DHX15: variants seen among roughly 807,000 people sequenced by gnomAD.
DHX15 encodes DEAH-box helicase 15, also known as ATP-dependent RNA helicase DHX15.
In DHX15, 11 loss-of-function variants were observed where a neutral mutation model predicts 94.4. The ratio of observed to expected loss-of-function variants is 0.12; its 90% confidence interval spans 0.07 to 0.19. The LOEUF (loss-of-function observed/expected upper bound fraction) is 0.19. DHX15 is among the 10% of genes least tolerant of loss of function. The probability of loss-of-function intolerance (pLI) is 1.00; values close to 1 mark genes in which losing one functional copy is unlikely to be tolerated. For missense variants in DHX15, 304 were observed against 988.5 expected, an observed-to-expected ratio of 0.31 and a Z score of 9.29; for synonymous variants, 338 against 329.9, an observed-to-expected ratio of 1.02 and a Z score of -0.27.
At chr4:24,583,542 C>G (rs1722519246) in intron 1 of DHX15, among the ~76,000 whole-genome samples, 1 of 151,896 alleles carries the variant, frequency 6.6e-6, no homozygotes, top group African/African-American at 2.4e-5. Flanking sequence ...TTAACCAAAG[C>G]AGGAAATACA....
At chr4:24,535,704 A>G (rs1429730296) in intron 11 of DHX15, among the ~76,000 whole-genome samples, 4 of 152,198 alleles carry the variant, frequency 2.6e-5, no homozygotes, top group Non-Finnish European at 4.4e-5. Flanking sequence ...TAAGGAACAG[A>G]TGTAAATCAA....
intron 3 of DHX15, among the ~76,000 whole-genome samples, chr4:24,563,621 A>T (rs540329486): frequency 6.6e-6 from 1 of 152,344 alleles, no homozygotes; most frequent in East Asian, 1.9e-4. Context: ...AATGATTTAA[A>T]ACATAATTTT....
intron 1 of DHX15, among the ~76,000 whole-genome samples, chr4:24,577,375 T>A (rs1210022189): frequency 6.6e-6 from 1 of 152,168 alleles, no homozygotes; most frequent in African/African-American, 2.4e-5. Flanking sequence ...CTTTCCCAAT[T>A]TTGTTCAGTA....
intron 3 of DHX15, among the ~76,000 whole-genome samples, chr4:24,562,206 C>T (rs1050786075): frequency 6.6e-6 from 1 of 150,384 alleles, no homozygotes; most frequent in Non-Finnish European, 1.5e-5. Flanking sequence ...AGCAAACCTG[C>T]ACATATACCC....
chr4:24,548,990 A>T lies in DHX15; in HGVS notation c.1113T>A (p.Arg371=), dbSNP rs756944599. The T allele has an allele frequency of 6.2e-7, 1 of 1,613,814 alleles. No homozygotes were observed. The highest frequency in any genetic ancestry group is 8.5e-7 in the Non-Finnish European group (1 of 1,179,838). ...CTTCAGGGCCCAAATCATCAACTTC[A>T]CGCTTTATTCTCTTACAGGCTTCAT... is the stretch of plus-strand genomic sequence containing the variant. ...EIDEACKRIK[R]EVDDLGPEVG... is the part of the protein sequence containing the mutation. The change falls in exon 6 of 14, where the codon CGT becomes CGA. Residue 371 remains arginine (R), a synonymous_variant. Transcript: ENST00000336812.
intron 13 of DHX15, among the ~76,000 whole-genome samples, chr4:24,528,846 T>C (rs1721017128): frequency 6.6e-6 from 1 of 151,444 alleles, no homozygotes; most frequent in Non-Finnish European, 1.5e-5. Flanking sequence ...AAAACCAATA[T>C]ATAAATAATA....
intron 1 of DHX15, among the ~76,000 whole-genome samples, chr4:24,583,461 A>C (rs1722514600): frequency 6.8e-6 from 1 of 146,020 alleles, no homozygotes; most frequent in African/African-American, 2.4e-5. Flanking sequence ...ACATGCATAG[A>C]AAATAAATGA....
chr4:24,580,467 C>T (rs1250754200), intron 1 of DHX15, among the ~76,000 whole-genome samples: 2 of 150,646 alleles, frequency 1.3e-5, no homozygotes, highest in Non-Finnish European at 3.0e-5. Context: ...CTAAGGAAGA[C>T]ATTAACTGGT....
chr4:24,538,738 T>G (rs557442743), intron 10 of DHX15: 19 of 91,710 alleles, frequency 2.1e-4, no homozygotes, highest in African/African-American at 5.3e-4. Context: ...TAAAAATAAG[T>G]TTTTTTTAAT....
chr4:24,531,721 C>T (rs906394120), intron 12 of DHX15, among the ~76,000 whole-genome samples: 2 of 151,982 alleles, frequency 1.3e-5, no homozygotes, highest in African/African-American at 4.8e-5. Context: ...TCCCTCACCC[C>T]ATCCCCTCCC....
At chr4:24,579,747 C>G (rs1286226635) in intron 1 of DHX15, among the ~76,000 whole-genome samples, 1 of 152,152 alleles carries the variant, frequency 6.6e-6, no homozygotes, top group Non-Finnish European at 1.5e-5. Context: ...TTGCAAATGC[C>G]CAATATCGGT....
intron 6 of DHX15, among the ~76,000 whole-genome samples, chr4:24,543,455 A>G (rs1459147066): frequency 6.6e-6 from 1 of 152,198 alleles, no homozygotes; most frequent in Non-Finnish European, 1.5e-5. Context: ...TTCGTTATTT[A>G]TATCACCAAA....
chr4:24,573,634 T>C (rs1483011218), intron 2 of DHX15, among the ~76,000 whole-genome samples: 1 of 152,102 alleles, frequency 6.6e-6, no homozygotes, highest in Non-Finnish European at 1.5e-5. Flanking sequence ...AAAATCCTCA[T>C]CATTCCTCTT....
chr4:24,570,788 G>C lies in DHX15; in HGVS notation c.567C>G (p.Ala189=). Residue 189 remains alanine (A), a synonymous_variant, in exon 3 of 14, where the codon GCC becomes GCG. Transcript: ENST00000336812. ...RSLPGPKRGV[A]CTQPRRVAAM... ...CAGCCACTCTCCTGGGTTGGGTACA[G>C]GCAACTCCTCTCTTGGGTCCTGGTA... 1 of 1,614,138 alleles carries C rather than the reference G, an allele frequency of 6.2e-7. No homozygotes were observed. The highest frequency in any genetic ancestry group is 1.3e-5 in the African/African-American group (1 of 75,018).
intron 3 of DHX15, among the ~76,000 whole-genome samples, chr4:24,564,175 T>C (rs1721946965): frequency 6.6e-6 from 1 of 151,856 alleles, no homozygotes; most frequent in Non-Finnish European, 1.5e-5. Flanking sequence ...AGTGATCAAA[T>C]AGCATTAACA....
intron 3 of DHX15, among the ~76,000 whole-genome samples, chr4:24,566,163 C>G (rs1207220729): frequency 6.6e-6 from 1 of 151,960 alleles, no homozygotes; most frequent in Non-Finnish European, 1.5e-5. Context: ...CTCACCTCAT[C>G]CAAGTAGCTG....
intron 3 of DHX15, among the ~76,000 whole-genome samples, chr4:24,568,192 G>A (rs1282321446): frequency 6.6e-6 from 1 of 152,174 alleles, no homozygotes; most frequent in Non-Finnish European, 1.5e-5. Flanking sequence ...ACCCTAGAGT[G>A]AAAATTAAAG....
intron 2 of DHX15, among the ~76,000 whole-genome samples, chr4:24,571,438 G>C (rs1055727549): frequency 3.9e-5 from 6 of 152,170 alleles, no homozygotes; most frequent in African/African-American, 1.4e-4. Flanking sequence ...ACAGGACCTA[G>C]AGCAGCACCA....
At chr4:24,566,162 T>C (rs1248885597) in intron 3 of DHX15, among the ~76,000 whole-genome samples, 5 of 151,816 alleles carry the variant, frequency 3.3e-5, no homozygotes, top group African/African-American at 1.2e-4. Flanking sequence ...ACTCACCTCA[T>C]CCAAGTAGCT....
Sources: gnomAD v4.1 joint callset for allele counts (sites outside exome capture counted in the v4.1 genomes callset) on GRCh38, gnomAD v4.1.1 for gene constraint, MANE v1.5 for transcripts, NCBI Gene and HGNC (gene_info 2026-07-23, HGNC 2026-07-21) for gene names.